The following SERPINB12 variants were observed in gnomAD, a reference collection of about 807,000 sequenced individuals.
SERPINB12 encodes serpin B12.
Under a neutral mutation model 41.1 loss-of-function variants are expected in SERPINB12, and 57 were observed. That is an observed-to-expected ratio of 1.39 (90% CI 1.12 to 1.73). The LOEUF (loss-of-function observed/expected upper bound fraction) is 1.73. Ranked by LOEUF, SERPINB12 falls within the 40% of genes most tolerant of loss-of-function variation. SERPINB12 has a pLI of 0.00. For missense variants in SERPINB12, 536 were observed against 501.9 expected (o/e 1.07, Z -0.65); for synonymous variants, 180 against 181.3 (o/e 0.99, Z 0.06).
the SERPINB12 span, among the ~76,000 whole-genome samples, chr18:63,536,019 G>A: frequency 5.3e-5 from 8 of 151,676 alleles, no homozygotes; most frequent in African/African-American, 1.9e-4. Context: ...TATGTATTCA[G>A]AACATATAAA....
At position 63,559,631 on chromosome 18, in the gene SERPINB12, T is replaced by C. The variant is rs553767025; in HGVS notation, c.357T>C (p.Leu119=). ...TGGTCAGCTGCTACTTTGGGCAGCT[T>C]CTCTCCAAATTAGACAGGATCAAGA... ...SGLVSCYFGQ[L]LSKLDRIKTD... Residue 119 remains leucine, a synonymous_variant, in exon 4 of 8, where the codon CTT becomes CTC. Transcript: ENST00000382768. 2 of 1,614,122 alleles carry C rather than the reference T, an allele frequency of 1.2e-6. No homozygotes were observed. The highest frequency in any genetic ancestry group is 1.3e-5 in the African/African-American group (1 of 75,058).
upstream of SERPINB12, among the ~76,000 whole-genome samples, chr18:63,539,993 G>A (rs892343104): frequency 3.3e-5 from 5 of 152,130 alleles, no homozygotes; most frequent in Non-Finnish European, 7.4e-5. Context: ...AATAACACAA[G>A]AAAGGTAGGC....
Position 63,543,348 on chromosome 18 carries a change from G to T in SERPINB12, c.-19+856G>T, listed in dbSNP as rs184359532. ...GCCTTTCCCACTGATCCCTTTGAAA[G>T]GAGAGACCCTCGTAGTGGAATGCTT... On this transcript the variant is annotated intron_variant, in intron 1 of 7. Transcript: ENST00000382768. Among the ~76,000 whole-genome samples, 110 of 152,234 alleles carry T rather than the reference G, an allele frequency of 7.2e-4. 2 individuals are homozygous for T. Among genetic ancestry groups the T allele is most frequent in the Admixed American group, 6.9e-3 (105 of 15,292 alleles).
chr18:63,534,717 C>G, the SERPINB12 span, among the ~76,000 whole-genome samples: 3 of 152,066 alleles, frequency 2.0e-5, no homozygotes, highest in African/African-American at 7.2e-5. Flanking sequence ...TCTCTGTAGC[C>G]GTCAGTACTT....
Position 63,558,406 on chromosome 18 carries a change from CTGAAA to C in SERPINB12, c.224_228del (p.Leu75GlnfsTer9), listed in dbSNP as rs1217876186. On this transcript the variant is annotated frameshift_variant, in exon 3 of 8. Transcript: ENST00000382768. LOFTEE classifies it high-confidence loss of function. The stretch of plus-strand genomic sequence containing the variant: ...TGAAAGCAAAGAACCTGACCCTTGT[CTGAAA>C]AGCAACAAACAAAAAGTGCTGGCTG... 1 of 1,613,722 alleles carries C rather than the reference CTGAAA, an allele frequency of 6.2e-7. No homozygotes were observed. The highest frequency in any genetic ancestry group is 1.3e-5 in the African/African-American group (1 of 74,894).
chr18:63,531,560 C>G, the SERPINB12 span, among the ~76,000 whole-genome samples: 785 of 152,256 alleles, frequency 5.2e-3, 3 homozygotes, highest in African/African-American at 0.018. Context: ...TTTCCATTTC[C>G]TAATCAGTAA....
rs1407080154 is a variant in SERPINB12, at chr18:63,568,178, C to T, written c.*1167C>T. On this transcript the variant is annotated 3_prime_UTR_variant, in exon 8 of 8. Transcript: ENST00000382768. ...GGTGGATCACTTGAGTCCAGGAGTT[C>T]GAGACCAGCCTGGGCAACATATTGA... 6.6e-6 allele frequency among the ~76,000 whole-genome samples: 1 copy of T among 152,088 alleles called. No homozygotes were observed. The highest frequency in any genetic ancestry group is 1.5e-5 in the Non-Finnish European group (1 of 68,004).
At chr18:63,529,050 C>T in the SERPINB12 span, among the ~76,000 whole-genome samples, 8 of 152,248 alleles carry the variant, frequency 5.3e-5, no homozygotes, top group Admixed American at 2.0e-4. Context: ...CCATGTGAGG[C>T]GAGCTCACTC....
chr18:63,558,598 A>G, intron 3 of SERPINB12, 112 bp downstream of exon 3: 1 of 1,147,370 alleles, frequency 8.7e-7, no homozygotes, highest in Non-Finnish European at 1.2e-6. Flanking sequence ...TCTGGATACC[A>G]TCAACAGCAA....
intron 1 of SERPINB12, among the ~76,000 whole-genome samples, 182 bp from the exon 2 acceptor site, chr18:63,555,959 CT>C (rs1910658494): frequency 6.6e-6 from 1 of 152,164 alleles, no homozygotes; most frequent in Admixed American, 6.5e-5. Context: ...AAATAGATCT[CT>C]GTCTATCAAT....
intron 5 of SERPINB12, among the ~76,000 whole-genome samples, 186 bp from the exon 6 acceptor site, chr18:63,563,792 C>A (rs1006982875): frequency 9.2e-5 from 14 of 151,630 alleles, no homozygotes; most frequent in African/African-American, 3.4e-4. Flanking sequence ...GTTACTCTGG[C>A]GGCTGAGGCA....
At chr18:63,553,042 TA>T (rs1217619046) in intron 1 of SERPINB12, among the ~76,000 whole-genome samples, 1 of 152,182 alleles carries the variant, frequency 6.6e-6, no homozygotes, top group Non-Finnish European at 1.5e-5. Flanking sequence ...GAGGCAGCAT[TA>T]AAGCTGCACA....
At chr18:63,523,577 G>T in the SERPINB12 span, among the ~76,000 whole-genome samples, 1 of 152,200 alleles carries the variant, frequency 6.6e-6, no homozygotes, top group Non-Finnish European at 1.5e-5. Flanking sequence ...ACCTTGAACA[G>T]GGGAATGTAT....
Position 63,568,504 on chromosome 18 carries a change from G to A in SERPINB12, c.*1493G>A, listed in dbSNP as rs545225670. Among the ~76,000 whole-genome samples, 6 of 152,294 alleles carry A rather than the reference G, an allele frequency of 3.9e-5. No homozygotes were observed. The South Asian group carries it at 8.3e-4, about 21-fold the overall frequency. On this transcript the variant is annotated 3_prime_UTR_variant, in exon 8 of 8. Coordinates refer to ENST00000382768, the MANE Select transcript of SERPINB12 (RefSeq NM_001307928.2). ...GCCTGACCTCTGAGTGTTCCTACTCGCGGACTCAGGGCCTCTGTTCTCTGG... is the reference window on the plus strand; with the variant it reads ...GCCTGACCTCTGAGTGTTCCTACTCACGGACTCAGGGCCTCTGTTCTCTGG...
chr18:63,556,432 G>A, intron 2 of SERPINB12, 105 bp downstream of exon 2: 1 of 1,026,652 alleles, frequency 9.7e-7, no homozygotes, highest in Non-Finnish European at 1.4e-6. Flanking sequence ...TTGCACCCTG[G>A]GCTTGGTCAG....
intron 5 of SERPINB12, among the ~76,000 whole-genome samples, chr18:63,562,630 A>T (rs934862691): frequency 6.6e-6 from 1 of 152,082 alleles, no homozygotes; most frequent in Non-Finnish European, 1.5e-5. Flanking sequence ...TTCCAAAATT[A>T]TTGCTTTTTC....
At chr18:63,531,540 C>T in the SERPINB12 span, among the ~76,000 whole-genome samples, 1 of 152,162 alleles carries the variant, frequency 6.6e-6, no homozygotes, top group Non-Finnish European at 1.5e-5. Context: ...AGTCACTTCA[C>T]CTCTCTGAGT....
the SERPINB12 span, among the ~76,000 whole-genome samples, chr18:63,527,865 C>T: frequency 6.6e-6 from 1 of 152,090 alleles, no homozygotes; most frequent in Non-Finnish European, 1.5e-5. Context: ...CTTGAATTCC[C>T]ATATGTTGTG....
the SERPINB12 span, among the ~76,000 whole-genome samples, chr18:63,529,643 T>A: frequency 5.2e-3 from 788 of 152,256 alleles, 3 homozygotes; most frequent in African/African-American, 0.018. Flanking sequence ...TATTGGAATA[T>A]TCTTTCATAA....
Sources: allele counts gnomAD v4.1 joint callset (sites outside exome capture counted in the v4.1 genomes callset), GRCh38; gene constraint gnomAD v4.1.1; transcripts MANE v1.5; gene names NCBI Gene and HGNC (gene_info 2026-07-23, HGNC 2026-07-21).